The following DTNA variants were observed in gnomAD, a reference collection of about 807,000 sequenced individuals.
DTNA encodes dystrophin-related protein 3.
A neutral mutation model predicts 100.7 loss-of-function variants in DTNA; 43 were observed. That is an observed-to-expected ratio of 0.43 (90% CI 0.33 to 0.55). The LOEUF (loss-of-function observed/expected upper bound fraction) is 0.55. DTNA is among the 20% of genes least tolerant of loss of function. DTNA has a pLI of 0.04. For missense variants in DTNA, 798 were observed against 953.9 expected, an observed-to-expected ratio of 0.84 and a Z score of 2.15; for synonymous variants, 349 against 347.9, an observed-to-expected ratio of 1.00 and a Z score of -0.04.
At chr18:34,792,199 T>G (rs2094777825) in intron 3 of DTNA, among the ~76,000 whole-genome samples, 2 of 152,198 alleles carry the variant, frequency 1.3e-5, no homozygotes, top group East Asian at 1.9e-4. Context: ...TTTGTTTTTC[T>G]TTATGCCTAA....
At position 34,838,160 on chromosome 18, in the gene DTNA, G is replaced by A. The variant is rs765457372; in HGVS notation, c.1242G>A (p.Leu414=). ...TGGCTAGGGCTGCTCCAGCTTTTCT[G>A]AAGGGCAAAGGGTAAGTTACAGCCA... ...KLLARAAPAF[L]KGKGIQYSLN... is the part of the protein sequence containing the mutation. The change falls in exon 12 of 23, where the codon CTG becomes CTA. Residue 414 remains leucine (L), a synonymous_variant. Transcript: ENST00000444659. The A allele has an allele frequency of 6.2e-7, 1 of 1,613,838 alleles. No homozygotes were observed. The highest frequency in any genetic ancestry group is 8.5e-7 in the Non-Finnish European group (1 of 1,179,814).
chr18:34,562,724 G>C (rs1352789497), intron 1 of DTNA, among the ~76,000 whole-genome samples: 1 of 152,126 alleles, frequency 6.6e-6, no homozygotes, highest in African/African-American at 2.4e-5. Flanking sequence ...CTAACTCTGA[G>C]GGTGAGGCCC....
At chr18:34,670,017 A>G (rs2076522137) in intron 1 of DTNA, among the ~76,000 whole-genome samples, 1 of 152,140 alleles carries the variant, frequency 6.6e-6, no homozygotes, top group Non-Finnish European at 1.5e-5. Flanking sequence ...TATCCTGAAG[A>G]GTGTTTTCCA....
Position 34,541,530 on chromosome 18 carries a change from C to A in DTNA, c.-2+48016C>A, listed in dbSNP as rs183099876. ...TTCCCCAACAAGCTCTCTTGCCTGC[C>A]ACCATGTAAGATGCTCCTCATTTGC... On this transcript the variant is annotated intron_variant, in intron 1 of 19. Transcript: ENST00000283365. Among the ~76,000 whole-genome samples the A allele has an allele frequency of 3.3e-3, 497 of 152,064 alleles. 1 individual carries two copies. The highest frequency in any genetic ancestry group is 0.012 in the African/African-American group (478 of 41,512).
At chr18:34,833,556 G>T (rs2096066414) in intron 11 of DTNA, among the ~76,000 whole-genome samples, 1 of 152,068 alleles carries the variant, frequency 6.6e-6, no homozygotes, top group African/African-American at 2.4e-5. Context: ...AATATTTCCT[G>T]CCTTTTTTCT....
At chr18:34,819,363 A>G (rs1291182668) in intron 8 of DTNA, among the ~76,000 whole-genome samples, 1 of 152,192 alleles carries the variant, frequency 6.6e-6, no homozygotes, top group African/African-American at 2.4e-5. Flanking sequence ...ACAGTTCTTC[A>G]CTAAGGAAGA....
chr18:34,576,658 T>C (rs1451393309), intron 1 of DTNA, among the ~76,000 whole-genome samples: 1 of 152,072 alleles, frequency 6.6e-6, no homozygotes, highest in Non-Finnish European at 1.5e-5. Context: ...GGGGTTTCAC[T>C]ATGTTGCCCA....
At chr18:34,650,885 TCTA>T (rs768913095) in intron 1 of DTNA, among the ~76,000 whole-genome samples, 102 of 152,318 alleles carry the variant, frequency 6.7e-4, no homozygotes, top group Non-Finnish European at 1.0e-3. Context: ...TTATTATAGT[TCTA>T]CTACCCTGAA....
chr18:34,858,857 C>T (rs1338585927), intron 16 of DTNA, among the ~76,000 whole-genome samples: 4 of 152,188 alleles, frequency 2.6e-5, no homozygotes, highest in African/African-American at 7.2e-5. Context: ...GTGATCCACC[C>T]GCCTTGGCCT....
chr18:34,633,614 A>G (rs1007539794), intron 1 of DTNA, among the ~76,000 whole-genome samples: 1 of 152,160 alleles, frequency 6.6e-6, no homozygotes, highest in Non-Finnish European at 1.5e-5. Flanking sequence ...CTAACAGGTC[A>G]TACACTCAAA....
chr18:34,882,493 C>T (rs185645978), intron 21 of DTNA, among the ~76,000 whole-genome samples: 1 of 152,156 alleles, frequency 6.6e-6, no homozygotes, highest in African/African-American at 2.4e-5. Context: ...CTCAGCCTCC[C>T]GAGTAGCTGG....
At chr18:34,626,216 C>A (rs2057305259) in intron 1 of DTNA, among the ~76,000 whole-genome samples, 3 of 152,094 alleles carry the variant, frequency 2.0e-5, no homozygotes, top group Non-Finnish European at 4.4e-5. Context: ...GTGTATACAA[C>A]CCTAACACTC....
rs907450086 is a variant in DTNA at position 34,889,411 on chromosome 18, G to T, written c.*1677G>T. 3.0e-6 allele frequency: 3 copies of T among 985,282 alleles called. No individual in the cohort carries two copies. The African/African-American group carries it at 5.2e-5, about 17-fold the overall frequency. 61.0% of individuals were successfully genotyped at this position (985,282 alleles called of 1,614,324 possible). A position where few individuals can be genotyped will look rare whatever the true frequency, so the allele number is the denominator to read the frequency against. ...GTGATTCTGATGCTCGCTAAAGGTT[G>T]AGAACTACTGCTTTAGAATGAAGTC... On this transcript the variant is annotated 3_prime_UTR_variant, in exon 23 of 23. Coordinates refer to ENST00000444659, the MANE Select transcript of DTNA (RefSeq NM_001386795.1).
intron 1 of DTNA, among the ~76,000 whole-genome samples, chr18:34,621,061 C>T (rs933136953): frequency 2.6e-5 from 4 of 151,324 alleles, no homozygotes; most frequent in Non-Finnish European, 5.9e-5. Flanking sequence ...GAATGTGAAC[C>T]GTTGATCCAG....
intron 1 of DTNA, among the ~76,000 whole-genome samples, chr18:34,729,035 T>A (rs932396432): frequency 6.6e-6 from 1 of 151,690 alleles, no homozygotes; most frequent in African/African-American, 2.4e-5. Context: ...CACAATTACC[T>A]GGAAGAGAGT....
chr18:34,700,136 C>T (rs1419586518), intron 1 of DTNA, among the ~76,000 whole-genome samples: 4 of 152,110 alleles, frequency 2.6e-5, no homozygotes, highest in Non-Finnish European at 5.9e-5. Flanking sequence ...ATTGGCTTTC[C>T]TTAGGTCACA....
At chr18:34,795,744 A>G (rs2094941581) in intron 4 of DTNA, among the ~76,000 whole-genome samples, 1 of 152,252 alleles carries the variant, frequency 6.6e-6, no homozygotes, top group South Asian at 2.1e-4. Context: ...ATAAAGAATC[A>G]AAGCCAAATA....
At chr18:34,614,893 AAAG>A (rs1460076768) in intron 1 of DTNA, among the ~76,000 whole-genome samples, 1 of 152,232 alleles carries the variant, frequency 6.6e-6, no homozygotes, top group Non-Finnish European at 1.5e-5. Context: ...TCCAATTTTG[AAAG>A]AAGTTCTACT....
At chr18:34,821,038 A>G in intron 9 of DTNA, 123 bp downstream of exon 9, 1 of 1,429,710 alleles carries the variant, frequency 7.0e-7, no homozygotes, top group Non-Finnish European at 9.6e-7. Flanking sequence ...TTTAAAAAAA[A>G]AAGTCAGAGT....
Sources: gnomAD v4.1 joint callset for allele counts (sites outside exome capture counted in the v4.1 genomes callset) on GRCh38, gnomAD v4.1.1 for gene constraint, MANE v1.5 for transcripts, NCBI Gene and HGNC (gene_info 2026-07-23, HGNC 2026-07-21) for gene names.